DPYSL4: variants seen among roughly 807,000 people sequenced by gnomAD.
DPYSL4 encodes dihydropyrimidinase-related protein 4.
Under a neutral mutation model 63.4 loss-of-function variants are expected in DPYSL4, and 43 were observed. The ratio of observed to expected loss-of-function variants is 0.68; its 90% confidence interval spans 0.53 to 0.88. The LOEUF is 0.88. DPYSL4 is among the 40% of genes least tolerant of loss of function. DPYSL4 has a pLI of 0.00. For synonymous variants in DPYSL4, 353 were observed against 331.7 expected (o/e 1.06, Z -0.70); for missense variants, 733 against 819.5 (o/e 0.89, Z 1.29).
At chr10:132,197,284 G>A (rs1366293269) in intron 6 of DPYSL4, among the ~76,000 whole-genome samples, 183 bp downstream of exon 6, 1 of 152,224 alleles carries the variant, frequency 6.6e-6, no homozygotes, top group Non-Finnish European at 1.5e-5. Flanking sequence ...CAGTGAGTTA[G>A]AGAGACTGGG....
At chr10:132,202,291 C>T (rs1044844873) in intron 11 of DPYSL4, among the ~76,000 whole-genome samples, 175 bp downstream of exon 11, 6 of 152,262 alleles carry the variant, frequency 3.9e-5, no homozygotes, top group Non-Finnish European at 7.3e-5. Flanking sequence ...GCCCTGTCCA[C>T]GTCACCTCGC....
chr10:132,196,812 G>C, intron 4 of DPYSL4, 49 bp from the exon 5 acceptor site: 1 of 1,605,266 alleles, frequency 6.2e-7, no homozygotes, highest in Non-Finnish European at 8.5e-7. Context: ...GGCTCCGTAG[G>C]TTGTCTGACT....
chr10:132,198,029 G>A (rs1226362943), intron 6 of DPYSL4, among the ~76,000 whole-genome samples: 1 of 152,230 alleles, frequency 6.6e-6, no homozygotes, highest in Non-Finnish European at 1.5e-5. Flanking sequence ...AGGCAGTGCT[G>A]GAGGAAGGAG....
At position 132,198,833 on chromosome 10, in the gene DPYSL4, CTCTCA is replaced by C. The variant is rs1394246078; in HGVS notation, c.691-13_691-9del. On this transcript the variant is annotated splice_polypyrimidine_tract_variant and intron_variant, in intron 7 of 13. Coordinates refer to ENST00000338492, the MANE Select transcript of DPYSL4 (RefSeq NM_006426.3). The stretch of plus-strand genomic sequence containing the variant: ...CCAGGGCCCTCGTGTGGCCTCATCC[CTCTCA>C]TCTCGTCCCCAGGTGGAGGCTGAGG... The C allele has an allele frequency of 4.3e-6, 7 of 1,612,366 alleles. No homozygotes were observed. The African/African-American group carries it at 8.0e-5, about 18-fold the overall frequency.
intron 1 of DPYSL4, among the ~76,000 whole-genome samples, chr10:132,188,520 G>A (rs1044310523): frequency 6.6e-6 from 1 of 152,238 alleles, no homozygotes; most frequent in Non-Finnish European, 1.5e-5. Flanking sequence ...GCAAATGCAT[G>A]GTGGTGCCGG....
chr10:132,202,446 T>A (rs1038701047), intron 11 of DPYSL4, among the ~76,000 whole-genome samples, 200 bp from the exon 12 acceptor site: 3 of 152,210 alleles, frequency 2.0e-5, no homozygotes, highest in African/African-American at 4.8e-5. Context: ...GAAACGGGAC[T>A]CAGAAACGAG....
At chr10:132,203,701 G>C (rs1442777955) in intron 12 of DPYSL4, 61 bp from the exon 13 acceptor site, 6 of 1,418,460 alleles carry the variant, frequency 4.2e-6, no homozygotes, top group East Asian at 7.8e-5. Context: ...CCCATCTCTG[G>C]CCCCACAGCT....
In DPYSL4 at chr10:132,196,903, G is replaced by A. The variant is rs373056600; in HGVS notation, c.521G>A (p.Cys174Tyr). The A allele has an allele frequency of 6.2e-7, 1 of 1,613,590 alleles. No homozygotes were observed. The highest frequency in any genetic ancestry group is 8.5e-7 in the Non-Finnish European group (1 of 1,179,936). ...GTCTTCATGGCATACAAGGACCGGT[G>A]CCAGTGCAGCGACAGCCAGGTAAGG... ...FLVFMAYKDR[C>Y]QCSDSQMYEI... Residue 174 changes from cysteine (C) to tyrosine (Y), a missense_variant, in exon 5 of 14, where the codon TGC (cysteine) becomes TAC (tyrosine). Physicochemically the swap from Cys to Tyr is radical, Grantham distance 194. Transcript: ENST00000338492.
Position 132,202,823 on chromosome 10 carries a change from AGGGTAGGGCGGC to A in DPYSL4, c.1460_1461+10del. 1 of 1,589,280 alleles carries A rather than the reference AGGGTAGGGCGGC, an allele frequency of 6.3e-7. No individual in the cohort carries two copies. The highest frequency in any genetic ancestry group is 8.6e-7 in the Non-Finnish European group (1 of 1,166,492). On this transcript the variant is annotated splice_donor_variant and splice_donor_5th_base_variant and coding_sequence_variant and intron_variant, in exon 12 of 14. Transcript: ENST00000338492. LOFTEE classifies it high-confidence loss of function. ...CTACAAGAGGATCAAAGCTCGCAAC[AGGGTAGGGCGGC>A]ACCCGCAAGGGTGTTGTGCAGGTAG...
intron 9 of DPYSL4, 73 bp downstream of exon 9, chr10:132,200,585 C>A (rs1206903372): frequency 5.1e-6 from 8 of 1,565,030 alleles, no homozygotes; most frequent in Non-Finnish European, 6.9e-6. Flanking sequence ...GCCCCGACAC[C>A]CCAGGCCTCT....
At chr10:132,195,139 A>ACTTC (rs2061926446) in intron 4 of DPYSL4, 130 bp downstream of exon 4, 1 of 1,150,226 alleles carries the variant, frequency 8.7e-7, no homozygotes, top group African/African-American at 1.6e-5. Flanking sequence ...TGGAAGTTGG[A>ACTTC]GAAAAGTCAT....
chr10:132,200,591 CCT>C (rs2062000779), intron 9 of DPYSL4, 79 bp downstream of exon 9: 1 of 1,553,424 alleles, frequency 6.4e-7, no homozygotes, highest in Non-Finnish European at 8.7e-7. Flanking sequence ...ACACCCCAGG[CCT>C]CTCCCACGGC....
intron 12 of DPYSL4, 78 bp from the exon 13 acceptor site, chr10:132,203,677 TCAGCCCC>T: frequency 7.9e-7 from 1 of 1,258,674 alleles, no homozygotes; most frequent in East Asian, 4.1e-5. Context: ...CTGCCCATGC[TCAGCCCC>T]TCATGCCCCA....
rs2061804116 is a variant in DPYSL4 at position 132,187,084 on chromosome 10, A to G, written c.21A>G (p.Lys7=). The G allele has an allele frequency of 1.4e-6, 2 of 1,409,828 alleles. No individual in the cohort carries two copies. Among genetic ancestry groups the G allele is most frequent in the South Asian group, 1.2e-5 (1 of 80,068 alleles). The allele number at this position is 1,409,828 out of a possible 1,614,324, so 87.3% of individuals were successfully genotyped here. Residue 7 remains lysine (K), a synonymous_variant, in exon 1 of 14, where the codon AAA becomes AAG. Coordinates refer to ENST00000338492, the MANE Select transcript of DPYSL4 (RefSeq NM_006426.3). MSFQGK[K]SIPRITSDRL... is the part of the protein sequence containing the mutation. The stretch of plus-strand genomic sequence containing the variant: ...GCAGGATGTCCTTCCAGGGCAAGAA[A>G]AGCATCCCCCGGATCACGGTGAGCC...
chr10:132,191,073 G>T (rs80162105), intron 2 of DPYSL4, among the ~76,000 whole-genome samples: 2 of 131,730 alleles, frequency 1.5e-5, no homozygotes, highest in East Asian at 2.3e-4. Flanking sequence ...ATCCAGGCAG[G>T]TGCAAATAGT....
At chr10:132,203,370 T>C (rs2062046798) in intron 12 of DPYSL4, among the ~76,000 whole-genome samples, 1 of 152,076 alleles carries the variant, frequency 6.6e-6, no homozygotes, top group South Asian at 2.1e-4. Flanking sequence ...AGGTGTGGTC[T>C]CCCCAGACCA....
intron 4 of DPYSL4, among the ~76,000 whole-genome samples, chr10:132,195,570 A>G (rs1303002138): frequency 6.6e-6 from 1 of 152,190 alleles, no homozygotes; most frequent in Non-Finnish European, 1.5e-5. Flanking sequence ...AAGCAAGCCC[A>G]GGAGCCTGTC....
chr10:132,194,727 G>A, intron 3 of DPYSL4, 118 bp from the exon 4 acceptor site: 1 of 1,345,570 alleles, frequency 7.4e-7, no homozygotes, highest in Non-Finnish European at 1.0e-6. Flanking sequence ...CCTCTGCTGT[G>A]TCTCCCTCAA....
intron 6 of DPYSL4, 77 bp from the exon 7 acceptor site, chr10:132,198,338 T>A: frequency 1.4e-6 from 2 of 1,459,700 alleles, no homozygotes; most frequent in Non-Finnish European, 1.9e-6. Flanking sequence ...GAATGGGGCC[T>A]CCCAGCCTTG....
Sources: gnomAD v4.1 joint callset for allele counts (sites outside exome capture counted in the v4.1 genomes callset) on GRCh38, gnomAD v4.1.1 for gene constraint, MANE v1.5 for transcripts, NCBI Gene and HGNC (gene_info 2026-07-23, HGNC 2026-07-21) for gene names.